The following DIP2C variants were observed in gnomAD, a reference collection of about 807,000 sequenced individuals.
DIP2C encodes DIP2 acetate--CoA ligase C (putative).
A neutral mutation model predicts 192.4 loss-of-function variants in DIP2C; 33 were observed. The ratio of observed to expected loss-of-function variants is 0.17; its 90% CI spans 0.13 to 0.23. The LOEUF is 0.23. Among genes scored for constraint, DIP2C ranks in the 10% least tolerant of loss-of-function variants. DIP2C has a pLI of 1.00. For synonymous variants in DIP2C, 979 were observed against 864.1 expected (o/e 1.13, Z -2.33); for missense variants, 1,537 against 2,110.1 (o/e 0.73, Z 5.32).
intron 26 of DIP2C, 99 bp from the exon 27 acceptor site, chr10:345,209 T>C (rs896221975): frequency 1.7e-5 from 20 of 1,168,964 alleles, no homozygotes; most frequent in Middle Eastern, 1.9e-4. Context: ...ACTAAAACCA[T>C]GTAGCTTTAA....
chr10:360,411 T>A (rs917894598), intron 22 of DIP2C, among the ~76,000 whole-genome samples: 1 of 152,168 alleles, frequency 6.6e-6, no homozygotes, highest in African/African-American at 2.4e-5. Flanking sequence ...GAGGCTCATG[T>A]CTCTTTTCTC....
chr10:594,458 G>A (rs753241944), intron 1 of DIP2C, among the ~76,000 whole-genome samples: 9 of 151,050 alleles, frequency 6.0e-5, no homozygotes, highest in South Asian at 2.1e-4. Flanking sequence ...GAACATGGCC[G>A]AGTACAAACC....
chr10:578,359 T>C (rs1850314660), intron 1 of DIP2C, among the ~76,000 whole-genome samples: 1 of 152,212 alleles, frequency 6.6e-6, no homozygotes, highest in African/African-American at 2.4e-5. Context: ...GAGTGGCGAC[T>C]TCTCATTTAT....
Position 414,103 on chromosome 10 carries a change from T to C in DIP2C, c.867A>G (p.Gln289=), listed in dbSNP as rs1411931606. The C allele has an allele frequency of 1.2e-6, 2 of 1,611,380 alleles. No individual in the cohort carries two copies. Among genetic ancestry groups the C allele is most frequent in the Non-Finnish European group, 8.5e-7 (1 of 1,177,814 alleles). ...DDFEELLEVQ[Q]PDPNQPKPEG... The stretch of plus-strand genomic sequence containing the variant: ...CCGGCTTTGGTTGGTTCGGATCCGG[T>C]TGTTGAACTAAATCGTTTGAATACA... The change falls in exon 8 of 37, where the codon CAA becomes CAG. Residue 289 remains glutamine, a synonymous_variant. Transcript: ENST00000280886.
intron 30 of DIP2C, among the ~76,000 whole-genome samples, chr10:327,380 A>AAT (rs1957321404): frequency 6.6e-6 from 1 of 152,218 alleles, no homozygotes; most frequent in South Asian, 2.1e-4. Flanking sequence ...AATGATTAAG[A>AAT]ATGGAATTAC....
chr10:664,343 G>A (rs1461412870), intron 1 of DIP2C: 1 of 152,228 alleles, frequency 6.6e-6, no homozygotes, highest in Non-Finnish European at 1.5e-5. Context: ...GGTTTGGGGA[G>A]ATTCACCGAA....
intron 1 of DIP2C, among the ~76,000 whole-genome samples, chr10:508,119 C>CT (rs1321694102): frequency 7.3e-6 from 1 of 137,030 alleles, no homozygotes; most frequent in Admixed American, 7.4e-5. Flanking sequence ...CAACGCCTTC[C>CT]TCCCTCACGC....
Position 472,596 on chromosome 10 carries a change from G to A in DIP2C, c.158-47C>T, listed in dbSNP as rs367823698. 3.1e-4 allele frequency: 454 copies of A among 1,480,834 alleles called. 3 individuals carry two copies. Among genetic ancestry groups the A allele is most frequent in the South Asian group, 1.9e-3 (166 of 86,828 alleles). 91.7% of individuals were successfully genotyped at this position (1,480,834 alleles called of 1,614,324 possible). ...AGAGTGAGGTGTGACTGTACTCAGCGGAGTCAGCAGACTCTAACAAATCAT... is the reference window on the plus strand; with the variant it reads ...AGAGTGAGGTGTGACTGTACTCAGCAGAGTCAGCAGACTCTAACAAATCAT... On this transcript the variant is annotated intron_variant, in intron 2 of 36. Coordinates refer to ENST00000280886, the MANE Select transcript of DIP2C (RefSeq NM_014974.3).
intron 1 of DIP2C, chr10:663,888 G>C (rs943756213): frequency 2.0e-5 from 3 of 152,156 alleles, no homozygotes; most frequent in African/African-American, 7.2e-5. Context: ...TAGCACCGCA[G>C]GTGCCAAGGA....
intron 1 of DIP2C, among the ~76,000 whole-genome samples, chr10:660,347 T>C (rs562972026): frequency 5.3e-5 from 8 of 151,702 alleles, no homozygotes; most frequent in Non-Finnish European, 1.0e-4. Flanking sequence ...ACAGAGATCC[T>C]AGCCCTTGTC....
At chr10:384,747 A>C in intron 14 of DIP2C, 108 bp from the exon 15 acceptor site, 1 of 1,105,730 alleles carries the variant, frequency 9.0e-7, no homozygotes, top group Admixed American at 1.8e-5. Flanking sequence ...GGGAGCTCTC[A>C]GGGAGCGCTG....
rs370376398 is a variant in DIP2C at position 591,437 on chromosome 10, AT to A, written c.85+98056del. Among the ~76,000 whole-genome samples, 335 of 152,246 alleles carry A rather than the reference AT, an allele frequency of 2.2e-3. 3 individuals are homozygous for A. Among genetic ancestry groups the A allele is most frequent in the African/African-American group, 7.8e-3 (324 of 41,544 alleles). ...ACCATGCCCTGCCATTACTGGTGTA[AT>A]TTCTAAGCCACTCTCTCACACCCAC... On this transcript the variant is annotated intron_variant, in intron 1 of 36. Coordinates refer to ENST00000280886, the MANE Select transcript of DIP2C (RefSeq NM_014974.3).
chr10:658,116 CCTGGACCTGCCG>C (rs1856509783), intron 1 of DIP2C, among the ~76,000 whole-genome samples: 3 of 146,140 alleles, frequency 2.1e-5, no homozygotes, highest in South Asian at 2.2e-4. Flanking sequence ...TGGACCTGCC[CCTGGACCTGCCG>C]CTGGACCTGT....
Position 388,063 on chromosome 10 carries a change from G to A in DIP2C, c.1598-254C>T, listed in dbSNP as rs541659268. Among the ~76,000 whole-genome samples, 62 of 152,110 alleles carry A rather than the reference G, an allele frequency of 4.1e-4. No individual in the cohort carries two copies. In the South Asian group the frequency reaches 0.012, roughly 30 times the overall value. ...TCCACACTGCACCTTAAAACGCAGC[G>A]TTCCTTCTCCTTTTATATATTTCCC... On this transcript the variant is annotated intron_variant, in intron 13 of 36. Transcript: ENST00000280886.
intron 1 of DIP2C, among the ~76,000 whole-genome samples, chr10:512,839 G>A (rs972384166): frequency 2.7e-4 from 40 of 150,348 alleles, no homozygotes; most frequent in Non-Finnish European, 1.5e-4. Flanking sequence ...ACTTCAGCCT[G>A]GGAGGTGGAA....
At chr10:420,927 G>A (rs1249721021) in intron 5 of DIP2C, among the ~76,000 whole-genome samples, 1 of 152,140 alleles carries the variant, frequency 6.6e-6, no homozygotes, top group Non-Finnish European at 1.5e-5. Context: ...GGACTCCTTA[G>A]GACACTCACG....
intron 3 of DIP2C, among the ~76,000 whole-genome samples, chr10:467,152 G>T (rs1169512917): frequency 1.3e-5 from 2 of 152,186 alleles, no homozygotes; most frequent in African/African-American, 4.8e-5. Context: ...AACAATGATA[G>T]ACTGGATTAA....
intron 1 of DIP2C, among the ~76,000 whole-genome samples, chr10:530,330 A>G (rs1008023378): frequency 6.6e-6 from 1 of 152,158 alleles, no homozygotes; most frequent in African/African-American, 2.4e-5. Flanking sequence ...TCTCTAACTG[A>G]TGAGAATTCT....
At chr10:452,309 A>G (rs549570569) in intron 3 of DIP2C, among the ~76,000 whole-genome samples, 1 of 152,324 alleles carries the variant, frequency 6.6e-6, no homozygotes, top group African/African-American at 2.4e-5. Context: ...AAGGCAAATA[A>G]TGATAACGGG....
Sources: gnomAD v4.1 joint callset for allele counts (sites outside exome capture counted in the v4.1 genomes callset) on GRCh38, gnomAD v4.1.1 for gene constraint, MANE v1.5 for transcripts, NCBI Gene and HGNC (gene_info 2026-07-23, HGNC 2026-07-21) for gene names.